Variants in SMIM13 observed in about 807,000 individuals in gnomAD.
SMIM13 encodes small integral membrane protein 13, also known as UPF0766 protein C6orf228.
A neutral mutation model predicts 5.9 loss-of-function variants in SMIM13; 3 were observed. The ratio of observed to expected loss-of-function variants is 0.51; its 90% CI spans 0.23 to 1.31. SMIM13 has a LOEUF of 1.31. Ranked by LOEUF, SMIM13 falls within the 40% of genes most tolerant of loss-of-function variation. The pLI is 0.18. For synonymous variants in SMIM13, 55 were observed against 46.0 expected (o/e 1.19, Z -0.79); for missense variants, 85 against 109.9 (o/e 0.77, Z 1.01).
intron 1 of SMIM13, among the ~76,000 whole-genome samples, chr6:11,124,361 G>T (rs1758348887): frequency 6.6e-6 from 1 of 152,210 alleles, no homozygotes; most frequent in Non-Finnish European, 1.5e-5. Flanking sequence ...ATTCCATTGT[G>T]TGTATGTACC....
chr6:11,120,016 C>G (rs897495363), intron 1 of SMIM13, among the ~76,000 whole-genome samples: 1 of 152,088 alleles, frequency 6.6e-6, no homozygotes, highest in African/African-American at 2.4e-5. Context: ...CATAGATGAG[C>G]CTTTGCTGCC....
intron 1 of SMIM13, among the ~76,000 whole-genome samples, chr6:11,131,861 T>C (rs1758454121): frequency 6.6e-6 from 1 of 152,090 alleles, no homozygotes; most frequent in Non-Finnish European, 1.5e-5. Context: ...GTAGGATTGG[T>C]CAGTGGTTTC....
intron 1 of SMIM13, among the ~76,000 whole-genome samples, chr6:11,108,831 A>G (rs1758129222): frequency 6.6e-6 from 1 of 152,104 alleles, no homozygotes; most frequent in African/African-American, 2.4e-5. Context: ...CTTTATGAAC[A>G]GTTGTCCTTC....
intron 1 of SMIM13, among the ~76,000 whole-genome samples, chr6:11,111,263 C>T (rs1187627829): frequency 2.0e-5 from 3 of 152,128 alleles, no homozygotes; most frequent in Non-Finnish European, 4.4e-5. Context: ...ACAGACTTAC[C>T]CCCAAGGCAG....
intron 1 of SMIM13, among the ~76,000 whole-genome samples, chr6:11,098,949 G>A (rs921324832): frequency 2.0e-5 from 3 of 152,110 alleles, no homozygotes; most frequent in African/African-American, 7.2e-5. Context: ...ATCGATCTCT[G>A]AAATAAAATG....
At chr6:11,129,002 G>A (rs1758415517) in intron 1 of SMIM13, among the ~76,000 whole-genome samples, 1 of 151,142 alleles carries the variant, frequency 6.6e-6, no homozygotes, top group African/African-American at 2.4e-5. Flanking sequence ...TACTGTGATC[G>A]TTCACCTGAT....
intron 1 of SMIM13, among the ~76,000 whole-genome samples, chr6:11,114,337 C>G (rs1219581751): frequency 1.3e-5 from 2 of 152,076 alleles, no homozygotes; most frequent in African/African-American, 4.8e-5. Flanking sequence ...CTGGCTAGGG[C>G]CTTATAATGT....
chr6:11,134,488 T>C lies in SMIM13; in HGVS notation c.162T>C (p.Asp54=), dbSNP rs1323121554. 1 of 1,551,262 alleles carries C rather than the reference T, an allele frequency of 6.4e-7. No homozygotes were observed. The highest frequency in any genetic ancestry group is 8.7e-7 in the Non-Finnish European group (1 of 1,146,718). ...GAGACACAGGATCCCAAGAGGGAGA[T>C]CATGAGCCTTCAGGGTCTGAAACTG... ...LVGDTGSQEG[D]HEPSGSETEE... Residue 54 remains aspartate, a synonymous_variant, in exon 2 of 2, where the codon GAT becomes GAC. Coordinates refer to ENST00000416247, the MANE Select transcript of SMIM13 (RefSeq NM_001135575.2).
At chr6:11,099,682 T>C (rs1307989406) in intron 1 of SMIM13, among the ~76,000 whole-genome samples, 3 of 152,248 alleles carry the variant, frequency 2.0e-5, no homozygotes, top group Admixed American at 1.3e-4. Flanking sequence ...ACACCTGATA[T>C]GCCCAATGGA....
chr6:11,120,809 G>T (rs1244785580), intron 1 of SMIM13, among the ~76,000 whole-genome samples: 1 of 152,140 alleles, frequency 6.6e-6, no homozygotes, highest in African/African-American at 2.4e-5. Flanking sequence ...ATGATTGCTG[G>T]TCTCATTCAG....
At chr6:11,115,851 A>AT (rs1338384207) in intron 1 of SMIM13, among the ~76,000 whole-genome samples, 1 of 149,614 alleles carries the variant, frequency 6.7e-6, no homozygotes, top group Non-Finnish European at 1.5e-5. Context: ...TGCCTGGCTA[A>AT]TTTTTTTGTA....
At chr6:11,129,937 G>A (rs1028913971) in intron 1 of SMIM13, among the ~76,000 whole-genome samples, 1 of 152,068 alleles carries the variant, frequency 6.6e-6, no homozygotes, top group Non-Finnish European at 1.5e-5. Flanking sequence ...GATGTGTCAT[G>A]TGTCGTTTTC....
intron 1 of SMIM13, among the ~76,000 whole-genome samples, chr6:11,122,118 T>C (rs1457025288): frequency 6.6e-6 from 1 of 152,188 alleles, no homozygotes; most frequent in South Asian, 2.1e-4. Context: ...GCTTTTTGTC[T>C]TTTCCAAGGC....
chr6:11,112,409 T>C (rs762242610), intron 1 of SMIM13, among the ~76,000 whole-genome samples: 2 of 152,146 alleles, frequency 1.3e-5, no homozygotes, highest in Admixed American at 6.6e-5. Flanking sequence ...TGCACCACCA[T>C]GCCCAGCTAA....
chr6:11,125,097 G>A (rs1561759202), intron 1 of SMIM13, among the ~76,000 whole-genome samples: 1 of 151,848 alleles, frequency 6.6e-6, no homozygotes, highest in Non-Finnish European at 1.5e-5. Flanking sequence ...GGCCAACATG[G>A]TGAAACCCCA....
chr6:11,122,250 A>G (rs538816978), intron 1 of SMIM13, among the ~76,000 whole-genome samples: 1 of 152,340 alleles, frequency 6.6e-6, no homozygotes, highest in Admixed American at 6.5e-5. Flanking sequence ...AAAACTCCTC[A>G]GCAGATTTTG....
At chr6:11,125,457 A>G (rs1758366043) in intron 1 of SMIM13, among the ~76,000 whole-genome samples, 1 of 152,158 alleles carries the variant, frequency 6.6e-6, no homozygotes, top group South Asian at 2.1e-4. Context: ...TTAGCTGGGC[A>G]TGGTAGTGCA....
At chr6:11,098,111 G>A (rs971249922) in intron 1 of SMIM13, among the ~76,000 whole-genome samples, 22 of 152,182 alleles carry the variant, frequency 1.4e-4, no homozygotes, top group African/African-American at 5.3e-4. Flanking sequence ...TGGGAACACA[G>A]TTCCTGTCCC....
chr6:11,097,116 G>A (rs547885285), intron 1 of SMIM13, among the ~76,000 whole-genome samples: 11 of 152,164 alleles, frequency 7.2e-5, no homozygotes, highest in Non-Finnish European at 1.3e-4. Context: ...GGGATTACAG[G>A]CATGAGCCAC....
Sources: gnomAD v4.1 joint callset for allele counts (sites outside exome capture counted in the v4.1 genomes callset) on GRCh38, gnomAD v4.1.1 for gene constraint, MANE v1.5 for transcripts, NCBI Gene and HGNC (gene_info 2026-07-23, HGNC 2026-07-21) for gene names.